Variants in TMCC3 observed in about 807,000 individuals in gnomAD.
TMCC3 encodes transmembrane and coiled-coil domain family 3.
TMCC3 carries 28 observed loss-of-function variants against 40.2 expected under a neutral mutation model. The observed-to-expected ratio is 0.70, with a 90% CI of 0.52 to 0.95. The LOEUF is 0.95. Ranked by LOEUF, TMCC3 falls within the 40% of genes least tolerant of loss-of-function variation. The pLI is 0.00. For missense variants in TMCC3, 554 were observed against 615.2 expected, an observed-to-expected ratio of 0.90 and a Z score of 1.05; for synonymous variants, 255 against 248.5, an observed-to-expected ratio of 1.03 and a Z score of -0.25.
intron 1 of TMCC3, among the ~76,000 whole-genome samples, chr12:94,622,203 G>A (rs1221699768): frequency 2.6e-5 from 4 of 152,004 alleles, no homozygotes; most frequent in Non-Finnish European, 5.9e-5. Context: ...CTGAAACCAG[G>A]ATCTCCAAAC....
intron 3 of TMCC3, among the ~76,000 whole-genome samples, chr12:94,576,784 AT>A (rs199952901): frequency 2.0e-5 from 3 of 151,936 alleles, no homozygotes; most frequent in Admixed American, 1.3e-4. Context: ...GCCCTGGGCA[AT>A]TTTTTTTTAA....
intron 1 of TMCC3, among the ~76,000 whole-genome samples, chr12:94,614,805 A>G (rs2068838802): frequency 6.9e-6 from 1 of 144,958 alleles, no homozygotes; most frequent in African/African-American, 2.6e-5. Context: ...TCACTCTGTC[A>G]CCCAGGCTCG....
At chr12:94,601,808 C>CAAAAAAA (rs61372290) in intron 1 of TMCC3, among the ~76,000 whole-genome samples, 116 of 76,642 alleles carry the variant, frequency 1.5e-3, no homozygotes, top group East Asian at 2.0e-3. Flanking sequence ...GACCTGGTCT[C>CAAAAAAA]AAAAAAAAAA....
chr12:94,588,874 AG>A (rs2068654336), intron 1 of TMCC3, among the ~76,000 whole-genome samples: 1 of 148,740 alleles, frequency 6.7e-6, no homozygotes, highest in African/African-American at 2.5e-5. Context: ...CCCAGGTTGG[AG>A]TGCAGTGGTG....
chr12:94,643,020 G>A (rs1048894025), intron 1 of TMCC3, among the ~76,000 whole-genome samples: 10 of 151,982 alleles, frequency 6.6e-5, no homozygotes, highest in Non-Finnish European at 1.3e-4. Context: ...GTGAAACCCC[G>A]TCTCTACTAA....
At chr12:94,610,173 T>C (rs2068807218) in intron 1 of TMCC3, 1 of 152,194 alleles carries the variant, frequency 6.6e-6, no homozygotes, top group Non-Finnish European at 1.5e-5. Flanking sequence ...TAGATTATCA[T>C]TAGAAAGCCT....
chr12:94,593,858 G>C (rs12580838), intron 1 of TMCC3, among the ~76,000 whole-genome samples: 54,376 of 151,954 alleles, frequency 0.36, 9,948 homozygotes, highest in Admixed American at 0.44. Flanking sequence ...GTAAAGATTT[G>C]TACGTACTAA....
intron 1 of TMCC3, among the ~76,000 whole-genome samples, chr12:94,590,260 A>ATTT (rs72186655): frequency 0.29 from 24,399 of 85,058 alleles, 4,464 homozygotes; most frequent in East Asian, 0.36. Context: ...CGCCCTGCTA[A>ATTT]TTTTTTTTTT....
chr12:94,633,403 C>T (rs1460863808), intron 1 of TMCC3, among the ~76,000 whole-genome samples: 1 of 152,116 alleles, frequency 6.6e-6, no homozygotes, highest in East Asian at 1.9e-4. Context: ...TGTCAACATT[C>T]ATTAAATCTA....
At chr12:94,632,753 T>C (rs79846605) in intron 1 of TMCC3, among the ~76,000 whole-genome samples, 9,369 of 152,310 alleles carry the variant, frequency 0.062, 319 homozygotes, top group South Asian at 0.15. Flanking sequence ...GTTTTATTCA[T>C]GTAGCAAAAT....
At chr12:94,625,593 CAAAAAAAAA>C (rs540684724) in intron 1 of TMCC3, among the ~76,000 whole-genome samples, 5 of 105,066 alleles carry the variant, frequency 4.8e-5, no homozygotes, top group Non-Finnish European at 9.4e-5. Flanking sequence ...GACTCCATCT[CAAAAAAAAA>C]AAAAAAAAAG....
intron 1 of TMCC3, among the ~76,000 whole-genome samples, chr12:94,634,447 C>T (rs2068949963): frequency 6.6e-6 from 1 of 152,024 alleles, no homozygotes; most frequent in Non-Finnish European, 1.5e-5. Flanking sequence ...GAATGGTAGG[C>T]TCACTTTGCA....
intron 1 of TMCC3, among the ~76,000 whole-genome samples, chr12:94,649,510 G>A (rs2069040750): frequency 6.6e-6 from 1 of 152,142 alleles, no homozygotes; most frequent in Non-Finnish European, 1.5e-5. Context: ...TGGAGGAGGT[G>A]CTTTGTTAAA....
rs1382949910 is a variant in TMCC3, at chr12:94,568,765, T to C, written c.*2670A>G. 6.6e-6 allele frequency: 1 copy of C among 152,160 alleles called. No homozygotes were observed. Among genetic ancestry groups the C allele is most frequent in the East Asian group, 1.9e-4 (1 of 5,200 alleles). The allele number at this position is 152,160 out of a possible 1,614,324, so 9.4% of individuals were successfully genotyped here. Reference sequence around the variant, plus strand: ...ACTTTCAACAAGACTGCAAAATAAATATGCCAGGTAGGTTGAGCCTATCCA... The same window carrying C: ...ACTTTCAACAAGACTGCAAAATAAACATGCCAGGTAGGTTGAGCCTATCCA... On this transcript the variant is annotated 3_prime_UTR_variant, in exon 4 of 4. Coordinates refer to ENST00000261226, the MANE Select transcript of TMCC3 (RefSeq NM_020698.4).
intron 1 of TMCC3, among the ~76,000 whole-genome samples, chr12:94,597,965 C>T (rs1264051048): frequency 1.3e-5 from 2 of 152,064 alleles, no homozygotes; most frequent in East Asian, 1.9e-4. Context: ...AAGAAGGCAA[C>T]GACTTGTTTA....
rs2138808412 is a variant in TMCC3, at chr12:94,567,996, T to G, written c.*3439A>C. ...AAATGGCAAGGCAATAAACACAGAGTGGGGCAATATTTAAATGAAAACAAG... is the reference window on the plus strand; with the variant it reads ...AAATGGCAAGGCAATAAACACAGAGGGGGGCAATATTTAAATGAAAACAAG... On this transcript the variant is annotated 3_prime_UTR_variant, in exon 4 of 4. Coordinates refer to ENST00000261226, the MANE Select transcript of TMCC3 (RefSeq NM_020698.4). The G allele has an allele frequency of 6.6e-6, 1 of 151,864 alleles. No homozygotes were observed. Among genetic ancestry groups the G allele is most frequent in the Middle Eastern group, 3.4e-3 (1 of 294 alleles). 9.4% of individuals were successfully genotyped at this position (151,864 alleles called of 1,614,324 possible). A position where few individuals can be genotyped will look rare whatever the true frequency, so the allele number is the denominator to read the frequency against.
chr12:94,635,557 AACAC>A (rs1166950368), intron 1 of TMCC3, among the ~76,000 whole-genome samples: 3 of 152,180 alleles, frequency 2.0e-5, no homozygotes, highest in African/African-American at 4.8e-5. Context: ...AAAATTTTAA[AACAC>A]ACACGCACAA....
Position 94,635,237 on chromosome 12 carries a change from ATATTAAATATGTT to A in TMCC3, c.78+15103_78+15115del, listed in dbSNP as rs2068953683. ...TCCCAGTACAGATCCCAGCACAAGG[ATATTAAATATGTT>A]TATTAAATAGGAGGAATGTGCAGGC... On this transcript the variant is annotated intron_variant, in intron 1 of 3. Coordinates refer to ENST00000261226, the MANE Select transcript of TMCC3 (RefSeq NM_020698.4). Among the ~76,000 whole-genome samples, 7 of 152,354 alleles carry A rather than the reference ATATTAAATATGTT, an allele frequency of 4.6e-5. No homozygotes were observed. In the South Asian group the frequency reaches 1.5e-3, roughly 32 times the overall value.
At position 94,582,335 on chromosome 12, in the gene TMCC3, C is replaced by T. The variant is rs140629808; in HGVS notation, c.282G>A (p.Ala94=). The T allele has an allele frequency of 1.6e-4, 263 of 1,613,918 alleles. 2 individuals carry two copies. In the African/African-American group the frequency reaches 2.3e-3, roughly 14 times the overall value. The change falls in exon 2 of 4, where the codon GCG becomes GCA. Residue 94 remains alanine, a synonymous_variant. Coordinates refer to ENST00000261226, the MANE Select transcript of TMCC3 (RefSeq NM_020698.4). ...IEQTSRDGNV[A]EYLKLVNNAD... The stretch of plus-strand genomic sequence containing the variant: ...CGTTGTTCACTAGTTTCAGATACTC[C>T]GCAACATTCCCATCGCGCGATGTTT...
Sources: allele counts gnomAD v4.1 joint callset (sites outside exome capture counted in the v4.1 genomes callset), GRCh38; gene constraint gnomAD v4.1.1; transcripts MANE v1.5; gene names NCBI Gene and HGNC (gene_info 2026-07-23, HGNC 2026-07-21).